The following ZNF284 variants were observed in gnomAD, a reference collection of about 807,000 sequenced individuals.
ZNF284 encodes zinc finger protein 284.
In ZNF284, 12 loss-of-function variants were observed where a neutral mutation model predicts 12.9. The observed-to-expected ratio is 0.93, with a 90% CI of 0.60 to 1.51. The LOEUF (loss-of-function observed/expected upper bound fraction) is 1.51, where lower values mean the gene tolerates loss of function less well. ZNF284 is among the 40% of genes most tolerant of loss of function. The probability of loss-of-function intolerance (pLI) is 0.00; values close to 1 mark genes in which losing one functional copy is unlikely to be tolerated. For synonymous variants in ZNF284, 225 were observed against 236.5 expected (o/e 0.95, Z 0.45); for missense variants, 667 against 707.3 (o/e 0.94, Z 0.65).
At chr19:44,081,869 T>G in intron 3 of ZNF284, 144 bp from the exon 4 acceptor site, 1 of 588,006 alleles carries the variant, frequency 1.7e-6, no homozygotes, top group Non-Finnish European at 3.0e-6. Flanking sequence ...CATGTGGGGA[T>G]TATGGGAACT....
Position 44,087,014 on chromosome 19 carries a change from A to C in ZNF284, c.1536A>C (p.Lys512Asn). The C allele has an allele frequency of 6.2e-7, 1 of 1,614,184 alleles. No individual in the cohort carries two copies. Among genetic ancestry groups the C allele is most frequent in the East Asian group, 2.2e-5 (1 of 44,884 alleles). The change falls in exon 5 of 5, where the codon AAA becomes AAC. Residue 512 changes from lysine (K) to asparagine (N), a missense_variant. Physicochemically the swap from Lys to Asn is moderately conservative, Grantham distance 94. Coordinates refer to ENST00000421176, the MANE Select transcript of ZNF284 (RefSeq NM_001037813.4). Reference sequence around the variant, plus strand: ...TTCACACTGGAGAAAAGCCTTACAAATGTGAGGAGTGTGGAAAGGGATTCA... The same window carrying C: ...TTCACACTGGAGAAAAGCCTTACAACTGTGAGGAGTGTGGAAAGGGATTCA... ...QRIHTGEKPY[K>N]CEECGKGFRW... is the part of the protein sequence containing the mutation.
intron 2 of ZNF284, among the ~76,000 whole-genome samples, chr19:44,079,136 T>C (rs62115511): frequency 0.5 from 75,646 of 152,014 alleles, 21,579 homozygotes; most frequent in Non-Finnish European, 0.66. Flanking sequence ...TCCACATACA[T>C]GATTTTCTTT....
At position 44,086,380 on chromosome 19, in the gene ZNF284, A is replaced by C; in HGVS notation, c.902A>C (p.Asn301Thr). The C allele has an allele frequency of 6.2e-7, 1 of 1,614,126 alleles. No homozygotes were observed. Among genetic ancestry groups the C allele is most frequent in the Non-Finnish European group, 8.5e-7 (1 of 1,179,990 alleles). ...GGTAAGAGCTTCCATAGTAGATCAA[A>C]TCTTAATAGGCATTCCATGGTCCAC... is the stretch of plus-strand genomic sequence containing the variant. ...ICGKSFHSRS[N>T]LNRHSMVHMQ... The change falls in exon 5 of 5, where the codon AAT becomes ACT. Residue 301 changes from asparagine to threonine, a missense_variant. Physicochemically the swap from Asn to Thr is moderately conservative, Grantham distance 65 (BLOSUM62 0). Coordinates refer to ENST00000421176, the MANE Select transcript of ZNF284 (RefSeq NM_001037813.4).
At chr19:44,081,528 G>T (rs897528900) in intron 3 of ZNF284, among the ~76,000 whole-genome samples, 2 of 151,830 alleles carry the variant, frequency 1.3e-5, no homozygotes, top group Non-Finnish European at 2.9e-5. Flanking sequence ...TGGCTAACAC[G>T]GTGAAACCCC....
At chr19:44,084,996 C>T (rs959227509) in intron 4 of ZNF284, among the ~76,000 whole-genome samples, 9 of 152,094 alleles carry the variant, frequency 5.9e-5, no homozygotes, top group African/African-American at 1.9e-4. Context: ...GAGTGCACAG[C>T]GGAAATGTAA....
chr19:44,086,811 C>T lies in ZNF284; in HGVS notation c.1333C>T (p.His445Tyr). 1 of 1,614,122 alleles carries T rather than the reference C, an allele frequency of 6.2e-7. No homozygotes were observed. The highest frequency in any genetic ancestry group is 8.5e-7 in the Non-Finnish European group (1 of 1,180,020). ...GYISKFNLDL[H>Y]QRVHTGERPY... ...CATTAGTAAGTTTAATCTTGACTTG[C>T]ACCAGAGGGTCCACACGGGAGAGAG... The change falls in exon 5 of 5, where the codon CAC (histidine) becomes TAC (tyrosine). Residue 445 changes from histidine to tyrosine, a missense_variant. By Grantham distance (83) the His-to-Tyr change is moderately conservative. Transcript: ENST00000421176.
At position 44,073,012 on chromosome 19, in the gene ZNF284, T is replaced by C. The variant is rs140062033; in HGVS notation, c.-69+721T>C. Among the ~76,000 whole-genome samples, 315 of 152,310 alleles carry C rather than the reference T, an allele frequency of 2.1e-3. 1 individual carries two copies. The highest frequency in any genetic ancestry group is 7.0e-3 in the African/African-American group (289 of 41,558). The stretch of plus-strand genomic sequence containing the variant: ...ACCCCGACCAAGAGTGTAGGATGTG[T>C]CCTCAGGCATGGGTGTTGATAATAA... On this transcript the variant is annotated intron_variant, in intron 1 of 4. Transcript: ENST00000421176.
intron 1 of ZNF284, among the ~76,000 whole-genome samples, chr19:44,073,146 G>A (rs1206885909): frequency 6.6e-6 from 1 of 152,260 alleles, no homozygotes. Context: ...TTAAAGATGA[G>A]TGAGATACAA....
In ZNF284 at chr19:44,086,400, G is replaced by A; in HGVS notation, c.922G>A (p.Val308Ile). 1 of 1,613,968 alleles carries A rather than the reference G, an allele frequency of 6.2e-7. No individual in the cohort carries two copies. Among genetic ancestry groups the A allele is most frequent in the South Asian group, 1.1e-5 (1 of 91,080 alleles). ...ATCAAATCTTAATAGGCATTCCATG[G>A]TCCACATGCAAGAGAAATCATTTAG... ...SRSNLNRHSM[V>I]HMQEKSFRCD... Residue 308 changes from valine to isoleucine, a missense_variant, in exon 5 of 5, where the codon GTC (valine) becomes ATC (isoleucine). Transcript: ENST00000421176.
Position 44,081,096 on chromosome 19 carries a change from T to C in ZNF284, c.97T>C (p.Tyr33His), listed in dbSNP as rs200252807. The part of the protein sequence containing the change: ...GLLDVSQRKL[Y>H]RDVMLENFRN... ...GCTGGACGTTTCCCAGAGGAAGCTG[T>C]ATCGAGATGTCATGCTGGAGAACTT... The change falls in exon 3 of 5, where the codon TAT becomes CAT. Residue 33 changes from tyrosine to histidine, a missense_variant. Tyr to His is a moderately conservative substitution (Grantham distance 83). Transcript: ENST00000421176. 3,593 of 1,613,110 alleles carry C rather than the reference T, an allele frequency of 2.2e-3. 42 individuals carry two copies. Among genetic ancestry groups the C allele is most frequent in the South Asian group, 0.014 (1,298 of 91,078 alleles).
intron 3 of ZNF284, 120 bp downstream of exon 3, chr19:44,081,261 T>G: frequency 4.0e-6 from 5 of 1,240,834 alleles, no homozygotes; most frequent in Non-Finnish European, 5.4e-6. Flanking sequence ...CTGGGTAATT[T>G]ATAAAGAAAA....
At chr19:44,073,148 G>A (rs546579215) in intron 1 of ZNF284, among the ~76,000 whole-genome samples, 1 of 152,374 alleles carries the variant, frequency 6.6e-6, no homozygotes, top group African/African-American at 2.4e-5. Flanking sequence ...AAAGATGAGT[G>A]AGATACAAAG....
intron 2 of ZNF284, among the ~76,000 whole-genome samples, chr19:44,079,561 T>C (rs1251621136): frequency 6.6e-6 from 1 of 150,948 alleles, no homozygotes; most frequent in South Asian, 2.1e-4. Context: ...TACAAAACAT[T>C]AGCCGGGTGT....
At position 44,080,932 on chromosome 19, in the gene ZNF284, C is replaced by T. The variant is rs1967111104; in HGVS notation, c.16-83C>T. 7 of 1,503,474 alleles carry T rather than the reference C, an allele frequency of 4.7e-6. No homozygotes were observed. The East Asian group carries it at 1.7e-4, about 36-fold the overall frequency. The allele number at this position is 1,503,474 out of a possible 1,614,324, so 93.1% of individuals were successfully genotyped here. A position where few individuals can be genotyped will look rare whatever the true frequency, so the allele number is the denominator to read the frequency against. ...TCAAGATCCACAGCAACTTCTCACC[C>T]ATCCCCTTCACCTGCTCATTGCCAC... On this transcript the variant is annotated intron_variant, in intron 2 of 4. Transcript: ENST00000421176.
chr19:44,082,445 A>C (rs1466472113), intron 4 of ZNF284, among the ~76,000 whole-genome samples: 1 of 152,130 alleles, frequency 6.6e-6, no homozygotes, highest in Non-Finnish European at 1.5e-5. Context: ...CTCTGACTAC[A>C]TCTCCATTTT....
chr19:44,075,871 C>T (rs570040700), intron 1 of ZNF284, among the ~76,000 whole-genome samples: 2 of 152,164 alleles, frequency 1.3e-5, no homozygotes, highest in East Asian at 3.8e-4. Flanking sequence ...CAGTTTAGAT[C>T]ATTTTTATCT....
chr19:44,078,697 C>A (rs1433013355), intron 2 of ZNF284, among the ~76,000 whole-genome samples: 1 of 152,172 alleles, frequency 6.6e-6, no homozygotes, highest in Non-Finnish European at 1.5e-5. Context: ...TGAATTCAAG[C>A]AATCCCCCCA....
At position 44,085,727 on chromosome 19, in the gene ZNF284, A is replaced by G. The variant is rs1384539100; in HGVS notation, c.249A>G (p.Gln83=). 2.5e-6 allele frequency: 4 copies of G among 1,611,778 alleles called. No individual in the cohort carries two copies. The highest frequency in any genetic ancestry group is 4.5e-5 in the East Asian group (2 of 44,880). The part of the protein sequence containing the change: ...QREGNSGGKI[Q]TELESVPETG... ...GTGTCCTTATAGGAGGCAAGATCCA[A>G]ACTGAGTTGGAGTCTGTTCCAGAAA... The change falls in exon 5 of 5, where the codon CAA becomes CAG. Residue 83 remains glutamine (Q), a synonymous_variant. Transcript: ENST00000421176.
At position 44,085,862 on chromosome 19, in the gene ZNF284, T is replaced by C; in HGVS notation, c.384T>C (p.Asp128=). ...ISSSQFSTQG[D]VPSQVDAGLS... ...GCTCTCAGTTCTCCACACAAGGTGA[T>C]GTCCCCTCCCAGGTTGACGCAGGAC... is the stretch of plus-strand genomic sequence containing the variant. The change falls in exon 5 of 5, where the codon GAT becomes GAC. Residue 128 remains aspartate, a synonymous_variant. Coordinates refer to ENST00000421176, the MANE Select transcript of ZNF284 (RefSeq NM_001037813.4). The C allele has an allele frequency of 6.2e-7, 1 of 1,614,136 alleles. No individual in the cohort carries two copies. Among genetic ancestry groups the C allele is most frequent in the Non-Finnish European group, 8.5e-7 (1 of 1,179,986 alleles).
Sources: allele counts gnomAD v4.1 joint callset (sites outside exome capture counted in the v4.1 genomes callset), GRCh38; gene constraint gnomAD v4.1.1; transcripts MANE v1.5; gene names NCBI Gene and HGNC (gene_info 2026-07-23, HGNC 2026-07-21).